The following YES1 variants were observed in gnomAD, a reference collection of about 807,000 sequenced individuals.
YES1 encodes the protein tyrosine-protein kinase Yes.
In YES1, 39 loss-of-function variants were observed where a neutral mutation model predicts 70.4. That is an observed-to-expected ratio of 0.55 (90% CI 0.43 to 0.72). The LOEUF is 0.72. Ranked by LOEUF, YES1 falls within the 30% of genes least tolerant of loss-of-function variation. YES1 has a pLI of 0.00. For missense variants in YES1, 495 were observed against 644.8 expected (o/e 0.77, Z 2.52); for synonymous variants, 198 against 218.6 (o/e 0.91, Z 0.83).
intron 2 of YES1, among the ~76,000 whole-genome samples, chr18:752,683 C>G (rs1236579868): frequency 6.6e-6 from 1 of 152,126 alleles, no homozygotes; most frequent in African/African-American, 2.4e-5. Context: ...TGGTTCACGT[C>G]TGTAATCTCA....
rs1029716271 is a variant in YES1 at position 787,836 on chromosome 18, G to C, written c.-9+24278C>G. On this transcript the variant is annotated intron_variant, in intron 1 of 11. Coordinates refer to ENST00000314574, the MANE Select transcript of YES1 (RefSeq NM_005433.4). Reference sequence around the variant, plus strand: ...CTACTTTTTTAATTGAAGAGAGTGTGGATAAAAAAGACTGATATTAATCCA... The same window carrying C: ...CTACTTTTTTAATTGAAGAGAGTGTCGATAAAAAAGACTGATATTAATCCA... 3.9e-5 allele frequency: 6 copies of C among 152,098 alleles called. No homozygotes were observed. In the East Asian group the frequency reaches 1.2e-3, roughly 29 times the overall value. 9.4% of individuals were successfully genotyped at this position (152,098 alleles called of 1,614,324 possible). A position where few individuals can be genotyped will look rare whatever the true frequency, so the allele number is the denominator to read the frequency against.
At chr18:787,642 G>A (rs147232693) in intron 1 of YES1, among the ~76,000 whole-genome samples, 1,775 of 151,974 alleles carry the variant, frequency 0.012, 15 homozygotes, top group Middle Eastern at 0.024. Flanking sequence ...CCTGGGATGC[G>A]GAGGTTGCAG....
At chr18:769,245 C>T (rs952038977) in intron 1 of YES1, among the ~76,000 whole-genome samples, 1 of 152,080 alleles carries the variant, frequency 6.6e-6, no homozygotes, top group Non-Finnish European at 1.5e-5. Context: ...AAGTGACGTG[C>T]GACCGTAAGT....
In YES1 at chr18:797,728, CT is replaced by C. The variant is rs1906614167; in HGVS notation, c.-9+14385del. On this transcript the variant is annotated intron_variant, in intron 1 of 11. Transcript: ENST00000314574. ...AAATTTTGTCAGGAATCAAAGGCAA[CT>C]TTCAGTGTCTGCATTTATTAACGTT... is the stretch of plus-strand genomic sequence containing the variant. Among the ~76,000 whole-genome samples the C allele has an allele frequency of 2.0e-5, 3 of 152,322 alleles. No individual in the cohort carries two copies. In the South Asian group the frequency reaches 6.2e-4, roughly 32 times the overall value.
At chr18:751,003 T>C (rs2080335356) in intron 3 of YES1, among the ~76,000 whole-genome samples, 1 of 152,190 alleles carries the variant, frequency 6.6e-6, no homozygotes, top group Non-Finnish European at 1.5e-5. Context: ...TCATTGTCGT[T>C]TTCCTTTTAT....
chr18:790,515 A>G (rs1169208127), intron 1 of YES1, among the ~76,000 whole-genome samples: 1 of 152,232 alleles, frequency 6.6e-6, no homozygotes, highest in Non-Finnish European at 1.5e-5. Flanking sequence ...TTTACAAATA[A>G]ACATCAATGA....
At chr18:776,225 CCT>C (rs1264807969) in intron 1 of YES1, among the ~76,000 whole-genome samples, 1 of 151,308 alleles carries the variant, frequency 6.6e-6, no homozygotes, top group Non-Finnish European at 1.5e-5. Flanking sequence ...ATGGAGTCTC[CCT>C]CTGTCGCCCA....
At chr18:796,527 T>C (rs1319684171) in intron 1 of YES1, among the ~76,000 whole-genome samples, 2 of 152,264 alleles carry the variant, frequency 1.3e-5, no homozygotes, top group East Asian at 1.9e-4. Context: ...CTCAGCACTT[T>C]GGGAGACCGA....
intron 1 of YES1, among the ~76,000 whole-genome samples, chr18:804,227 T>G (rs185276363): frequency 2.2e-4 from 34 of 152,346 alleles, no homozygotes; most frequent in African/African-American, 7.9e-4. Flanking sequence ...TGCAAAGTTT[T>G]TATTCAAATA....
At chr18:795,944 C>CACACACACACACAT (rs1310025205) in intron 1 of YES1, among the ~76,000 whole-genome samples, 1 of 149,410 alleles carries the variant, frequency 6.7e-6, no homozygotes, top group African/African-American at 2.5e-5. Flanking sequence ...CACACACACA[C>CACACACACACACAT]ATAAGACCTA....
chr18:739,823 A>T lies in YES1; in HGVS notation c.1061-12T>A. ...ATCTAATAAGCTTCCTGTAACAGAC[A>T]GCAAGATATTCATAAAAAATAAGCA... On this transcript the variant is annotated splice_polypyrimidine_tract_variant and intron_variant, in intron 8 of 11. Transcript: ENST00000314574. The T allele has an allele frequency of 1.9e-6, 3 of 1,597,476 alleles. No individual in the cohort carries two copies. The highest frequency in any genetic ancestry group is 2.6e-6 in the Non-Finnish European group (3 of 1,172,216).
chr18:789,781 C>A (rs899091837), intron 1 of YES1, among the ~76,000 whole-genome samples: 54 of 151,336 alleles, frequency 3.6e-4, no homozygotes, highest in African/African-American at 4.9e-5. Context: ...AAAAAATGGC[C>A]AGGCACAGTG....
intron 9 of YES1, 121 bp from the exon 10 acceptor site, chr18:737,082 G>T: frequency 1.2e-6 from 1 of 800,942 alleles, no homozygotes. Context: ...AGGAGATGAT[G>T]GTAACAGGGT....
intron 1 of YES1, among the ~76,000 whole-genome samples, chr18:804,573 G>C (rs1906991028): frequency 7.8e-6 from 1 of 128,122 alleles, no homozygotes; most frequent in Admixed American, 9.6e-5. Flanking sequence ...TTGCACCACT[G>C]CACTCCAGCC....
intron 11 of YES1, among the ~76,000 whole-genome samples, chr18:731,316 GACA>G (rs1411289038): frequency 2.0e-5 from 3 of 152,184 alleles, no homozygotes; most frequent in African/African-American, 7.2e-5. Context: ...GTATTAAGAT[GACA>G]ATGAGTTAAG....
chr18:770,015 G>A (rs1275044657), intron 1 of YES1, among the ~76,000 whole-genome samples: 1 of 151,220 alleles, frequency 6.6e-6, no homozygotes, highest in Non-Finnish European at 1.5e-5. Flanking sequence ...GTGCAGTGGC[G>A]TGATCCCGGC....
intron 6 of YES1, among the ~76,000 whole-genome samples, chr18:744,942 C>T (rs924082269): frequency 6.6e-6 from 1 of 152,006 alleles, no homozygotes; most frequent in African/African-American, 2.4e-5. Context: ...CATGTTCTCT[C>T]CTATTCTCAC....
chr18:764,376 C>T (rs1904761128), intron 1 of YES1, among the ~76,000 whole-genome samples: 1 of 152,120 alleles, frequency 6.6e-6, no homozygotes, highest in South Asian at 2.1e-4. Context: ...GCATGTGCCA[C>T]CATGCCCGGC....
rs768382737 is a variant in YES1, at chr18:747,898, A to G, written c.470+22T>C. ...CATTTCAAAAATCAAAATAATTAAT[A>G]AAATATGAAGTAGTGCCATACTCTT... On this transcript the variant is annotated intron_variant, in intron 4 of 11. Coordinates refer to ENST00000314574, the MANE Select transcript of YES1 (RefSeq NM_005433.4). The G allele has an allele frequency of 1.9e-6, 3 of 1,602,856 alleles. No individual in the cohort carries two copies. In the African/African-American group the frequency reaches 4.0e-5, roughly 21 times the overall value.
Sources: gnomAD v4.1 joint callset for allele counts (sites outside exome capture counted in the v4.1 genomes callset) on GRCh38, gnomAD v4.1.1 for gene constraint, MANE v1.5 for transcripts, NCBI Gene and HGNC (gene_info 2026-07-23, HGNC 2026-07-21) for gene names.